Variants in NPAS3 observed in about 807,000 individuals in gnomAD.
NPAS3 encodes the protein neuronal PAS domain protein 3, also known as neuronal PAS domain-containing protein 3.
Under a neutral mutation model 73.1 loss-of-function variants are expected in NPAS3, and 14 were observed. The observed-to-expected ratio is 0.19, with a 90% CI of 0.13 to 0.30. The LOEUF (loss-of-function observed/expected upper bound fraction) is 0.30. Among genes scored for constraint, NPAS3 ranks in the 10% least tolerant of loss-of-function variants. The pLI, the probability that NPAS3 is intolerant of heterozygous loss-of-function variation, is 1.00. For synonymous variants in NPAS3, 620 were observed against 541.5 expected (o/e 1.14, Z -2.01); for missense variants, 1,096 against 1,250.0 (o/e 0.88, Z 1.86).
At chr14:33,133,878 T>C (rs990061235) in intron 2 of NPAS3, among the ~76,000 whole-genome samples, 2 of 152,188 alleles carry the variant, frequency 1.3e-5, no homozygotes, top group Non-Finnish European at 2.9e-5. Context: ...GAAAATTTCT[T>C]GGATTGTGGT....
At chr14:33,413,315 T>C (rs1170081475) in intron 4 of NPAS3, among the ~76,000 whole-genome samples, 1 of 152,048 alleles carries the variant, frequency 6.6e-6, no homozygotes, top group Non-Finnish European at 1.5e-5. Flanking sequence ...ATAGCACTTT[T>C]TTATTGTTTT....
chr14:33,524,336 A>T (rs2053694825), intron 4 of NPAS3, among the ~76,000 whole-genome samples: 5 of 152,156 alleles, frequency 3.3e-5, no homozygotes. Flanking sequence ...GAGCTGTTTT[A>T]TTCACCACCC....
chr14:32,971,388 G>A (rs1277518023), intron 1 of NPAS3, among the ~76,000 whole-genome samples: 1 of 151,812 alleles, frequency 6.6e-6, no homozygotes, highest in East Asian at 1.9e-4. Flanking sequence ...CCTGGCCTGT[G>A]TTTTTCTTTA....
intron 6 of NPAS3, among the ~76,000 whole-genome samples, chr14:33,682,002 C>G (rs1212993248): frequency 6.6e-6 from 1 of 152,166 alleles, no homozygotes; most frequent in Non-Finnish European, 1.5e-5. Flanking sequence ...ATTACTGCAC[C>G]TTTTCAGGAA....
At chr14:33,737,614 C>G (rs188152158) in intron 7 of NPAS3, among the ~76,000 whole-genome samples, 3,830 of 152,200 alleles carry the variant, frequency 0.025, 170 homozygotes, top group African/African-American at 0.087. Flanking sequence ...AATCATCCAG[C>G]AGATCCAGCT....
At chr14:33,596,548 T>C (rs1185981288) in intron 5 of NPAS3, among the ~76,000 whole-genome samples, 1 of 152,194 alleles carries the variant, frequency 6.6e-6, no homozygotes, top group Non-Finnish European at 1.5e-5. Flanking sequence ...CAAGAAAAAT[T>C]GTTGGAATAT....
intron 5 of NPAS3, among the ~76,000 whole-genome samples, chr14:33,669,542 T>C (rs756622071): frequency 3.9e-5 from 6 of 152,202 alleles, no homozygotes; most frequent in Non-Finnish European, 7.4e-5. Context: ...TATGGTGTGA[T>C]GGAGGTATAC....
chr14:33,398,463 A>G (rs985700310), intron 4 of NPAS3, among the ~76,000 whole-genome samples: 1 of 151,040 alleles, frequency 6.6e-6, no homozygotes, highest in Non-Finnish European at 1.5e-5. Flanking sequence ...AGCACTAATT[A>G]CTTCCCCAAA....
At chr14:32,942,454 A>G (rs1043247022) in intron 1 of NPAS3, among the ~76,000 whole-genome samples, 1 of 152,244 alleles carries the variant, frequency 6.6e-6, no homozygotes, top group Non-Finnish European at 1.5e-5. Flanking sequence ...ACATATACAG[A>G]AAGTGTCTCT....
At chr14:33,705,269 TC>T (rs1243364107) in intron 6 of NPAS3, among the ~76,000 whole-genome samples, 1 of 152,182 alleles carries the variant, frequency 6.6e-6, no homozygotes, top group African/African-American at 2.4e-5. Flanking sequence ...AGCTTTGTCT[TC>T]CTAGGGCAGT....
intron 2 of NPAS3, 117 bp downstream of exon 2, chr14:33,056,111 G>GA (rs35719018): frequency 0.45 from 204,990 of 451,514 alleles, 45,088 homozygotes; most frequent in African/African-American, 0.66. Flanking sequence ...TAGTGGGGGA[G>GA]AAAAAAAAAC....
intron 4 of NPAS3, among the ~76,000 whole-genome samples, chr14:33,421,349 A>C (rs2048352073): frequency 6.6e-6 from 1 of 151,912 alleles, no homozygotes; most frequent in East Asian, 1.9e-4. Context: ...GCTATTTTTC[A>C]ACAAAGGAAT....
At position 33,800,991 on chromosome 14, in the gene NPAS3, C is replaced by A. The variant is rs1325314628; in HGVS notation, c.2684C>A (p.Thr895Lys). The A allele has an allele frequency of 3.2e-6, 5 of 1,586,694 alleles. No homozygotes were observed. Among genetic ancestry groups the A allele is most frequent in the Non-Finnish European group, 4.3e-6 (5 of 1,167,272 alleles). ...GGCGCAGTGAGCGCAGCTAGCCTGA[C>A]GCAGATGCCCGCCGGCAACGTGTTC... Residue 895 changes from threonine (T) to lysine (K), a missense_variant, in exon 12 of 12, where the codon ACG (threonine) becomes AAG (lysine). Physicochemically the swap from Thr to Lys is moderately conservative, Grantham distance 78 (BLOSUM62 -1). Transcript: ENST00000356141. The surrounding 1 kb of genome is among the most constrained non-coding windows in gnomAD (Gnocchi z 6.5).
Position 33,797,600 on chromosome 14 carries a change from C to A in NPAS3, c.1426+19C>A. 6.2e-7 allele frequency: 1 copy of A among 1,612,814 alleles called. No homozygotes were observed. Among genetic ancestry groups the A allele is most frequent in the Non-Finnish European group, 8.5e-7 (1 of 1,179,184 alleles). On this transcript the variant is annotated intron_variant, in intron 11 of 11. Coordinates refer to ENST00000356141, the Ensembl canonical transcript of NPAS3. ...ATTACAGGTATTATTCCTTCTTTTCCATGTTCTTCAGTGAAGCTTGCCCAC... is the reference window on the plus strand; with the variant it reads ...ATTACAGGTATTATTCCTTCTTTTCAATGTTCTTCAGTGAAGCTTGCCCAC...
intron 3 of NPAS3, among the ~76,000 whole-genome samples, chr14:33,258,916 C>A (rs2048872985): frequency 6.6e-6 from 1 of 152,184 alleles, no homozygotes; most frequent in Non-Finnish European, 1.5e-5. Flanking sequence ...CGGGTTCACG[C>A]CATCCTCCTG....
At chr14:33,430,932 T>C (rs2048759199) in intron 4 of NPAS3, among the ~76,000 whole-genome samples, 1 of 152,184 alleles carries the variant, frequency 6.6e-6, no homozygotes, top group Admixed American at 6.5e-5. Flanking sequence ...TCTGTCTGGC[T>C]GTTGGCATCA....
intron 6 of NPAS3, among the ~76,000 whole-genome samples, chr14:33,696,345 C>T (rs1384115464): frequency 1.3e-5 from 2 of 152,148 alleles, no homozygotes; most frequent in African/African-American, 4.8e-5. Context: ...ACTGGCTTGC[C>T]TTAAGAATGT....
At chr14:32,967,020 A>G (rs561591037) in intron 1 of NPAS3, among the ~76,000 whole-genome samples, 1 of 152,302 alleles carries the variant, frequency 6.6e-6, no homozygotes, top group South Asian at 2.1e-4. Context: ...ATTCACTACT[A>G]TGCATCTGAC....
At chr14:33,792,775 T>G (rs1176097326) in intron 9 of NPAS3, among the ~76,000 whole-genome samples, 1 of 152,158 alleles carries the variant, frequency 6.6e-6, no homozygotes, top group African/African-American at 2.4e-5. Flanking sequence ...TTAGCCAAAT[T>G]TATTACAGCA....
Sources: allele counts gnomAD v4.1 joint callset (sites outside exome capture counted in the v4.1 genomes callset), GRCh38; gene constraint gnomAD v4.1.1; non-coding constraint Gnocchi (gnomAD v3.1); transcripts MANE v1.5; gene names NCBI Gene and HGNC (gene_info 2026-07-23, HGNC 2026-07-21).